The following PPP2R2A variants were observed in gnomAD, a reference collection of about 807,000 sequenced individuals.
The protein encoded by PPP2R2A is protein phosphatase 2 regulatory subunit Balpha.
In PPP2R2A, 9 loss-of-function variants were observed where a neutral mutation model predicts 53.2. The observed-to-expected ratio is 0.17, with a 90% CI of 0.10 to 0.30. The LOEUF (loss-of-function observed/expected upper bound fraction) is 0.30. PPP2R2A is among the 10% of genes least tolerant of loss of function. The pLI, the probability that PPP2R2A is intolerant of heterozygous loss-of-function variation, is 1.00. For synonymous variants in PPP2R2A, 169 were observed against 174.2 expected (o/e 0.97, Z 0.23); for missense variants, 235 against 534.6 (o/e 0.44, Z 5.53).
intron 2 of PPP2R2A, among the ~76,000 whole-genome samples, chr8:26,316,109 G>A (rs1219713258): frequency 6.6e-6 from 1 of 151,988 alleles, no homozygotes; most frequent in African/African-American, 2.4e-5. Flanking sequence ...GGTTAAAGCA[G>A]TTCTCCTGCC....
chr8:26,372,013 C>T lies in PPP2R2A; in HGVS notation c.*1600C>T, dbSNP rs1415346598. On this transcript the variant is annotated 3_prime_UTR_variant, in exon 10 of 10. Coordinates refer to ENST00000380737, the MANE Select transcript of PPP2R2A (RefSeq NM_002717.4). ...GAATTTCAGAGGACTCTGAGTGCTT[C>T]TATGTCCACTACCTATTGTTCTATT... is the stretch of plus-strand genomic sequence containing the variant. The T allele has an allele frequency of 6.6e-6, 1 of 152,146 alleles. No individual in the cohort carries two copies. Among genetic ancestry groups the T allele is most frequent in the Non-Finnish European group, 1.5e-5 (1 of 68,008 alleles). The allele number at this position is 152,146 out of a possible 1,614,324, so 9.4% of individuals were successfully genotyped here. A position where few individuals can be genotyped will look rare whatever the true frequency, so the allele number is the denominator to read the frequency against.
chr8:26,309,849 A>G (rs1262046604), intron 2 of PPP2R2A, among the ~76,000 whole-genome samples: 1 of 152,160 alleles, frequency 6.6e-6, no homozygotes, highest in Admixed American at 6.5e-5. Context: ...GCTTCATGGC[A>G]TTCCAAAACA....
intron 2 of PPP2R2A, among the ~76,000 whole-genome samples, chr8:26,328,893 T>G (rs2117291803): frequency 6.6e-6 from 1 of 152,330 alleles, no homozygotes; most frequent in Non-Finnish European, 1.5e-5. Context: ...TTACTACAAG[T>G]GATCTTTAAA....
intron 4 of PPP2R2A, chr8:26,358,793 T>C (rs1000807748): frequency 3.6e-5 from 13 of 363,750 alleles, no homozygotes; most frequent in Non-Finnish European, 6.9e-5. Context: ...GTGATACAAA[T>C]AAACAATTGA....
At chr8:26,314,174 A>AGT (rs774891817) in intron 2 of PPP2R2A, among the ~76,000 whole-genome samples, 81 of 152,310 alleles carry the variant, frequency 5.3e-4, no homozygotes, top group Admixed American at 7.8e-4. Flanking sequence ...TTCAGTCTGG[A>AGT]GTACTTCGTT....
chr8:26,351,882 T>TC (rs201408761), intron 3 of PPP2R2A, among the ~76,000 whole-genome samples: 9,071 of 152,262 alleles, frequency 0.06, 393 homozygotes, highest in Non-Finnish European at 0.086. Flanking sequence ...TGTGTGATTT[T>TC]GGTTTTGTGT....
chr8:26,310,575 A>C lies in PPP2R2A; in HGVS notation c.82+16835A>C, dbSNP rs1213593041. Reference sequence around the variant, plus strand: ...GTTTATAATGTTTGCTATTGTAAAGATCATGATGAACATCCTTGTGAGAAT... The same window carrying C: ...GTTTATAATGTTTGCTATTGTAAAGCTCATGATGAACATCCTTGTGAGAAT... On this transcript the variant is annotated intron_variant, in intron 2 of 9. Transcript: ENST00000380737. Among the ~76,000 whole-genome samples the C allele has an allele frequency of 9.2e-5, 14 of 151,876 alleles. No individual in the cohort carries two copies. In the East Asian group the frequency reaches 2.7e-3, roughly 30 times the overall value.
chr8:26,338,801 G>T lies in PPP2R2A; in HGVS notation c.83-89G>T. On this transcript the variant is annotated intron_variant, in intron 2 of 9. Transcript: ENST00000380737. This position sits in a 1 kb window ranked among gnomAD's most constrained non-coding sequence, Gnocchi z 4.5. ...TTCAAAGATATACTTCATAGACTTG[G>T]AATGTTTGGGAAAACACGCTAAGTT... 1 of 804,292 alleles carries T rather than the reference G, an allele frequency of 1.2e-6. No homozygotes were observed. Among genetic ancestry groups the T allele is most frequent in the South Asian group, 1.8e-5 (1 of 57,056 alleles). The allele number at this position is 804,292 out of a possible 1,614,324, so 49.8% of individuals were successfully genotyped here.
chr8:26,317,982 CAG>C (rs1242537626), intron 2 of PPP2R2A, among the ~76,000 whole-genome samples: 1 of 152,142 alleles, frequency 6.6e-6, no homozygotes, highest in African/African-American at 2.4e-5. Context: ...AATGATGTGA[CAG>C]AAATTTTATT....
chr8:26,310,877 T>C (rs1802260706), intron 2 of PPP2R2A, among the ~76,000 whole-genome samples: 2 of 152,180 alleles, frequency 1.3e-5, no homozygotes, highest in Non-Finnish European at 2.9e-5. Context: ...GTTCTTTGTC[T>C]AGTTTTCTTT....
Position 26,362,730 on chromosome 8 carries a change from G to T in PPP2R2A, c.684G>T (p.Val228=), listed in dbSNP as rs1383306028. ...KPANMEELTE[V]ITAAEFHPNS... ...CCAATATGGAAGAGCTAACAGAGGT[G>T]ATTACAGCAGCAGAATTTCATCCAA... Residue 228 remains valine, a synonymous_variant, in exon 7 of 10, where the codon GTG becomes GTT. Coordinates refer to ENST00000380737, the MANE Select transcript of PPP2R2A (RefSeq NM_002717.4). The surrounding 1 kb of genome is among the most constrained non-coding windows in gnomAD (Gnocchi z 4.4). 1 of 1,614,024 alleles carries T rather than the reference G, an allele frequency of 6.2e-7. No individual in the cohort carries two copies. Among genetic ancestry groups the T allele is most frequent in the Admixed American group, 1.7e-5 (1 of 60,016 alleles).
chr8:26,311,787 A>G (rs13265716), intron 2 of PPP2R2A, among the ~76,000 whole-genome samples: 4,454 of 152,112 alleles, frequency 0.029, 105 homozygotes, highest in African/African-American at 0.061. Flanking sequence ...ATTCTTCCCT[A>G]TAATTATATA....
chr8:26,332,651 T>C (rs1257315333), intron 2 of PPP2R2A, among the ~76,000 whole-genome samples: 1 of 152,108 alleles, frequency 6.6e-6, no homozygotes, highest in Non-Finnish European at 1.5e-5. Context: ...CATTAGGGGG[T>C]AGAATTTAGA....
At chr8:26,302,928 C>G (rs1222655788) in intron 2 of PPP2R2A, among the ~76,000 whole-genome samples, 1 of 152,140 alleles carries the variant, frequency 6.6e-6, no homozygotes, top group Non-Finnish European at 1.5e-5. Context: ...CTTTGATGGT[C>G]TAAGATTTTA....
chr8:26,357,320 T>C (rs1804841553), intron 4 of PPP2R2A, among the ~76,000 whole-genome samples: 1 of 133,978 alleles, frequency 7.5e-6, no homozygotes, highest in Non-Finnish European at 1.6e-5. Context: ...ATATAAAAAC[T>C]ATATCTGTGG....
At chr8:26,312,928 A>T (rs1195972634) in intron 2 of PPP2R2A, among the ~76,000 whole-genome samples, 1 of 152,150 alleles carries the variant, frequency 6.6e-6, no homozygotes, top group Non-Finnish European at 1.5e-5. Flanking sequence ...ATTTCAAAAT[A>T]CTTACAAGGC....
rs80183711 is a variant in PPP2R2A at position 26,295,091 on chromosome 8, A to G, written c.82+1351A>G. On this transcript the variant is annotated intron_variant, in intron 2 of 9. Transcript: ENST00000380737. ...ATAGTAAACACTCCAGTATTGGATC[A>G]TTAGTTCTGTGCAGTTGTGTAATAC... Among the ~76,000 whole-genome samples the G allele has an allele frequency of 1.6e-4, 25 of 152,332 alleles. No homozygotes were observed. The East Asian group carries it at 4.2e-3, about 26-fold the overall frequency.
At chr8:26,308,552 T>TG (rs1802126672) in intron 2 of PPP2R2A, among the ~76,000 whole-genome samples, 2 of 152,220 alleles carry the variant, frequency 1.3e-5, no homozygotes, top group South Asian at 4.1e-4. Flanking sequence ...GCTCATCTAT[T>TG]GATGGTATCA....
At chr8:26,327,455 T>C (rs1803150122) in intron 2 of PPP2R2A, among the ~76,000 whole-genome samples, 1 of 152,178 alleles carries the variant, frequency 6.6e-6, no homozygotes, top group South Asian at 2.1e-4. Flanking sequence ...TATTCACTTT[T>C]AAGGAGGAAG....
Sources: gnomAD v4.1 joint callset for allele counts (sites outside exome capture counted in the v4.1 genomes callset) on GRCh38, gnomAD v4.1.1 for gene constraint, Gnocchi (gnomAD v3.1) non-coding constraint, MANE v1.5 for transcripts, NCBI Gene and HGNC (gene_info 2026-07-23, HGNC 2026-07-21) for gene names.